The following KLHL14 variants were observed in gnomAD, a reference collection of about 807,000 sequenced individuals.
The protein encoded by KLHL14 is kelch-like protein 14.
KLHL14 carries 22 observed loss-of-function variants against 64.3 expected under a neutral mutation model. The ratio of observed to expected loss-of-function variants is 0.34; its 90% CI spans 0.24 to 0.49. The LOEUF (loss-of-function observed/expected upper bound fraction) is 0.49, where lower values mean the gene tolerates loss of function less well. Among genes scored for constraint, KLHL14 ranks in the 20% least tolerant of loss-of-function variants. KLHL14 has a pLI of 0.99. For missense variants in KLHL14, 661 were observed against 789.0 expected, an observed-to-expected ratio of 0.84 and a Z score of 1.94; for synonymous variants, 322 against 333.4, an observed-to-expected ratio of 0.97 and a Z score of 0.37.
chr18:32,766,276 C>T (rs1435274910), intron 2 of KLHL14, among the ~76,000 whole-genome samples: 4 of 152,010 alleles, frequency 2.6e-5, no homozygotes, highest in African/African-American at 7.2e-5. Context: ...ATTAAAATTT[C>T]AAACTGTAAA....
chr18:32,711,307 G>T (rs944506464), intron 3 of KLHL14, among the ~76,000 whole-genome samples: 16 of 152,086 alleles, frequency 1.1e-4, no homozygotes, highest in African/African-American at 3.9e-4. Flanking sequence ...TAGCATTTGG[G>T]GAGAAGGAGT....
At chr18:32,694,814 A>G (rs2049928969) in intron 4 of KLHL14, among the ~76,000 whole-genome samples, 1 of 152,208 alleles carries the variant, frequency 6.6e-6, no homozygotes, top group Admixed American at 6.5e-5. Flanking sequence ...CAAGCTTTCC[A>G]AAAATATCTT....
intron 3 of KLHL14, among the ~76,000 whole-genome samples, chr18:32,724,159 GGGTT>G: frequency 1.3e-5 from 2 of 152,268 alleles, no homozygotes; most frequent in South Asian, 4.1e-4. Flanking sequence ...CAGAAGCCAA[GGGTT>G]TAAGTCACAA....
At chr18:32,727,791 A>G (rs1435788835) in intron 3 of KLHL14, among the ~76,000 whole-genome samples, 1 of 152,238 alleles carries the variant, frequency 6.6e-6, no homozygotes, top group Non-Finnish European at 1.5e-5. Flanking sequence ...TTTATGAATG[A>G]ACACAAAACA....
Position 32,680,427 on chromosome 18 carries a change from C to T in KLHL14, c.1411G>A (p.Gly471Arg). 1 of 1,613,936 alleles carries T rather than the reference C, an allele frequency of 6.2e-7. No homozygotes were observed. The highest frequency in any genetic ancestry group is 8.5e-7 in the Non-Finnish European group (1 of 1,179,878). ...TACTTGCCTGAAATGTATATTTTCCCATTGTGCACTGCTCCCGCATGAGCC... is the reference window on the plus strand; with the variant it reads ...TACTTGCCTGAAATGTATATTTTCCTATTGTGCACTGCTCCCGCATGAGCC... ...LAAHAGAVHNGKIYISGGVHN... is the reference protein window; with the variant it reads ...LAAHAGAVHNRKIYISGGVHN... Residue 471 changes from glycine (G) to arginine (R), a missense_variant, in exon 6 of 9, where the codon GGG becomes AGG. Physicochemically the swap from Gly to Arg is moderately radical, Grantham distance 125 (BLOSUM62 -2). Around this residue, in one of 2 missense-constraint regions of KLHL14, gnomAD observed 330 missense variants for 450.0 expected, o/e 0.73. Coordinates refer to ENST00000359358, the MANE Select transcript of KLHL14 (RefSeq NM_020805.3). The surrounding 1 kb of genome is among the most constrained non-coding windows in gnomAD (Gnocchi z 4.8).
At chr18:32,716,186 G>C (rs2050044243) in intron 3 of KLHL14, among the ~76,000 whole-genome samples, 1 of 152,072 alleles carries the variant, frequency 6.6e-6, no homozygotes, top group African/African-American at 2.4e-5. Context: ...ATTATTCAAT[G>C]ACCAGTGCTC....
rs976388052 is a variant in KLHL14 at position 32,772,117 on chromosome 18, C to T, written c.-44+550G>A. On this transcript the variant is annotated intron_variant, in intron 1 of 8. Coordinates refer to ENST00000359358, the MANE Select transcript of KLHL14 (RefSeq NM_020805.3). ...GCGCGCCGGCCCGCCGGCCCGCCGG[C>T]CCGCCCGCCCGGGGGAGAGCCGCCG... is the stretch of plus-strand genomic sequence containing the variant. The T allele has an allele frequency of 2.1e-5, 5 of 239,182 alleles. No individual in the cohort carries two copies. In the Admixed American group the frequency reaches 2.3e-4, roughly 11 times the overall value. 14.8% of individuals were successfully genotyped at this position (239,182 alleles called of 1,614,324 possible).
intron 3 of KLHL14, among the ~76,000 whole-genome samples, chr18:32,715,825 T>C (rs1416598698): frequency 1.3e-5 from 2 of 152,192 alleles, no homozygotes; most frequent in Non-Finnish European, 2.9e-5. Context: ...AAGATGATTG[T>C]AGCAAATCTG....
chr18:32,706,349 T>C (rs1598556902), intron 3 of KLHL14, among the ~76,000 whole-genome samples: 1 of 152,092 alleles, frequency 6.6e-6, no homozygotes, highest in South Asian at 2.1e-4. Flanking sequence ...TTCCAGGAGG[T>C]TCTGCAATCT....
At chr18:32,689,075 G>A (rs1160580779) in intron 4 of KLHL14, among the ~76,000 whole-genome samples, 1 of 152,158 alleles carries the variant, frequency 6.6e-6, no homozygotes, top group Non-Finnish European at 1.5e-5. Context: ...TGCTGAGGTG[G>A]GGAAGACCAA....
chr18:32,681,999 T>A (rs2049841686), intron 5 of KLHL14, among the ~76,000 whole-genome samples: 1 of 152,312 alleles, frequency 6.6e-6, no homozygotes, highest in African/African-American at 2.4e-5. Flanking sequence ...TATTGGCAAA[T>A]ACATATAAGT....
intron 3 of KLHL14, among the ~76,000 whole-genome samples, chr18:32,724,196 T>C (rs749808841): frequency 2.1e-3 from 325 of 152,336 alleles, no homozygotes; most frequent in Non-Finnish European, 3.3e-3. Flanking sequence ...TAGCGTGACC[T>C]TGACAGGTCA....
At chr18:32,741,799 A>G in intron 3 of KLHL14, 129 bp downstream of exon 3, 1 of 1,160,528 alleles carries the variant, frequency 8.6e-7, no homozygotes, top group Non-Finnish European at 1.2e-6. Context: ...GGTGATACAT[A>G]AACAAACCTC....
intron 2 of KLHL14, among the ~76,000 whole-genome samples, chr18:32,748,272 T>C (rs528291806): frequency 6.4e-4 from 97 of 152,324 alleles, no homozygotes; most frequent in South Asian, 4.6e-3. Flanking sequence ...TGGAGTGCAG[T>C]GGCGTGATCT....
chr18:32,726,108 T>C (rs1461743717), intron 3 of KLHL14, among the ~76,000 whole-genome samples: 1 of 152,260 alleles, frequency 6.6e-6, no homozygotes, highest in Admixed American at 6.5e-5. Context: ...ATACGGCCTG[T>C]TGGCCAAATC....
At position 32,770,987 on chromosome 18, in the gene KLHL14, G is replaced by A. The variant is rs1323142772; in HGVS notation, c.-43-353C>T. 1.4e-5 allele frequency: 6 copies of A among 421,504 alleles called. No individual in the cohort carries two copies. The highest frequency in any genetic ancestry group is 2.4e-5 in the Non-Finnish European group (5 of 211,256). The allele number at this position is 421,504 out of a possible 1,614,324, so 26.1% of individuals were successfully genotyped here. A position where few individuals can be genotyped will look rare whatever the true frequency, so the allele number is the denominator to read the frequency against. ...GTGGCAGCAGCGACGGCAAAGTGGC[G>A]GCTGAGGCCGAGGCACCTCGTGGGC... On this transcript the variant is annotated intron_variant, in intron 1 of 8. Transcript: ENST00000359358. This position sits in a 1 kb window ranked among gnomAD's most constrained non-coding sequence, Gnocchi z 6.7.
intron 3 of KLHL14, among the ~76,000 whole-genome samples, chr18:32,724,733 A>G (rs1028306619): frequency 6.6e-6 from 1 of 152,240 alleles, no homozygotes; most frequent in Admixed American, 6.5e-5. Flanking sequence ...ACTTCAATGC[A>G]GAGTGTCATA....
At chr18:32,700,168 T>G (rs1022817921) in intron 3 of KLHL14, among the ~76,000 whole-genome samples, 2 of 152,114 alleles carry the variant, frequency 1.3e-5, no homozygotes, top group Non-Finnish European at 2.9e-5. Flanking sequence ...CAAATTTTCA[T>G]GAATATCCAA....
At chr18:32,739,234 A>G (rs2050182608) in intron 3 of KLHL14, among the ~76,000 whole-genome samples, 1 of 152,122 alleles carries the variant, frequency 6.6e-6, no homozygotes, top group South Asian at 2.1e-4. Flanking sequence ...GGGCAAAAGA[A>G]TGGCAGTGGA....
Sources: allele counts gnomAD v4.1 joint callset (sites outside exome capture counted in the v4.1 genomes callset), GRCh38; gene constraint gnomAD v4.1.1; regional missense constraint gnomAD v4.1.1; non-coding constraint Gnocchi (gnomAD v3.1); transcripts MANE v1.5; gene names NCBI Gene and HGNC (gene_info 2026-07-23, HGNC 2026-07-21).